The following DDX3X variants were observed in gnomAD, a reference collection of about 807,000 sequenced individuals.
The protein encoded by DDX3X is DEAD-box helicase 3 X-linked.
DDX3X carries 4 observed loss-of-function variants against 52.7 expected under a neutral mutation model. The observed-to-expected ratio is 0.08, with a 90% CI of 0.04 to 0.17. The LOEUF is 0.17. Ranked by LOEUF, DDX3X falls within the 10% of genes least tolerant of loss-of-function variation. DDX3X has a pLI of 1.00. For synonymous variants in DDX3X, 192 were observed against 178.1 expected, an observed-to-expected ratio of 1.08 and a Z score of -0.62; for missense variants, 222 against 548.6, an observed-to-expected ratio of 0.40 and a Z score of 5.95.
At chrX:41,335,758 A>G (rs756114660) in intron 1 of DDX3X, 1 of 112,370 alleles carries the variant, frequency 8.9e-6, no homozygotes, top group Non-Finnish European at 1.9e-5. Flanking sequence ...TTAATGAACC[A>G]ATTATATTAA....
Position 41,346,329 on chromosome X carries a change from T to C in DDX3X, c.1416T>C (p.His472=), listed in dbSNP as rs1424332120. The C allele has an allele frequency of 1.6e-5, 19 of 1,209,643 alleles. No individual in the cohort carries two copies. The highest frequency in any genetic ancestry group is 2.2e-5 in the Admixed American group (1 of 45,681). The change falls in exon 13 of 17, where the codon CAT becomes CAC. Residue 472 remains histidine (H), a synonymous_variant. Transcript: ENST00000644876. ...YHEGYACTSI[H]GDRSQRDREE... Reference sequence around the variant, plus strand: ...AAGGATACGCATGTACCAGCATCCATGGAGACCGTTCTCAGAGGGATAGAG... The same window carrying C: ...AAGGATACGCATGTACCAGCATCCACGGAGACCGTTCTCAGAGGGATAGAG...
chrX:41,359,188 G>A (rs1237148732), intron 5 of DDX3X, among the ~76,000 whole-genome samples: 2 of 112,630 alleles, frequency 1.8e-5, no homozygotes, highest in Non-Finnish European at 3.7e-5. Context: ...GGAAAACTAA[G>A]TGATTTCACT....
chrX:41,353,551 A>AGGTG (rs919533401), downstream of DDX3X, among the ~76,000 whole-genome samples: 27 of 105,649 alleles, frequency 2.6e-4, no homozygotes, highest in Middle Eastern at 4.7e-3. Flanking sequence ...GCACTTTGGG[A>AGGTG]GGTGGGTGGA....
rs1453386913 is a variant in DDX3X at position 41,341,529 on chromosome X, A to G, written c.197A>G (p.Lys66Arg). The change falls in exon 4 of 17, where the codon AAG becomes AGG. Residue 66 changes from lysine to arginine, a missense_variant. Around this residue, in one of 5 missense-constraint regions of DDX3X, gnomAD observed 93 missense variants for 123.7 expected, o/e 0.75. Transcript: ENST00000644876. ...DSSGWSSSKDKDAYSSFGSRS... is the reference protein window; with the variant it reads ...DSSGWSSSKDRDAYSSFGSRS... ...TCAGGGTGGAGTTCTAGCAAAGATAAGGATGCGTATAGCAGTTTTGGATCT... is the reference window on the plus strand; with the variant it reads ...TCAGGGTGGAGTTCTAGCAAAGATAGGGATGCGTATAGCAGTTTTGGATCT... The G allele has an allele frequency of 1.7e-6, 2 of 1,207,043 alleles. No homozygotes were observed. The highest frequency in any genetic ancestry group is 3.5e-5 in the South Asian group (2 of 56,884).
At chrX:41,357,779 G>A (rs1196572675) in intron 5 of DDX3X, 1 of 291,994 alleles carries the variant, frequency 3.4e-6, no homozygotes, top group African/African-American at 2.8e-5. Flanking sequence ...CCAACCAACA[G>A]TAAAGATTAC....
Position 41,347,295 on chromosome X carries a change from T to C in DDX3X, c.1770-17T>C, listed in dbSNP as rs759441876. 3.3e-6 allele frequency: 4 copies of C among 1,196,472 alleles called. No individual in the cohort carries two copies. Among genetic ancestry groups the C allele is most frequent in the South Asian group, 1.8e-5 (1 of 55,753 alleles). On this transcript the variant is annotated splice_polypyrimidine_tract_variant and intron_variant, in intron 15 of 16. Transcript: ENST00000644876. ...AATTTCATCTTCATGTGAACCAACA[T>C]AATTTTTTTCTTATAGTAGCAGATT...
intron 10 of DDX3X, 148 bp from the exon 11 acceptor site, chrX:41,345,032 T>C (rs1275910173): frequency 1.9e-6 from 1 of 534,459 alleles, no homozygotes; most frequent in African/African-American, 2.4e-5. Flanking sequence ...TCTGTAAAAT[T>C]ATGCAGTGTG....
rs1315362202 is a variant in DDX3X at position 41,343,942 on chromosome X, A to G, written c.766-88A>G. On this transcript the variant is annotated intron_variant, in intron 8 of 16. Transcript: ENST00000644876. ...AACCAGTTTTCAAGTGTAATCTGTA[A>G]TCTATAAATTACAAAAGGGAATTAT... The G allele has an allele frequency of 1.0e-5, 10 of 1,000,558 alleles. No individual in the cohort carries two copies. The Admixed American group carries it at 2.6e-4, about 26-fold the overall frequency. 82.5% of individuals were successfully genotyped at this position (1,000,558 alleles called of 1,213,427 possible).
intron 14 of DDX3X, 116 bp from the exon 15 acceptor site, chrX:41,346,743 C>G: frequency 3.1e-6 from 3 of 963,231 alleles, no homozygotes; most frequent in Admixed American, 3.0e-5. Context: ...GCTCAAAGCA[C>G]TTGTTTAAAT....
intron 10 of DDX3X, among the ~76,000 whole-genome samples, chrX:41,344,728 G>A (rs940720618): frequency 8.0e-5 from 9 of 112,237 alleles, no homozygotes; most frequent in African/African-American, 2.3e-4. Context: ...GTGAGCCATC[G>A]CACCCGGCCA....
chrX:41,343,904 TAAG>T (rs752063399), intron 8 of DDX3X, 82 bp downstream of exon 8: 37 of 1,006,379 alleles, frequency 3.7e-5, no homozygotes, highest in Non-Finnish European at 4.9e-5. Flanking sequence ...TGCTAAGACT[TAAG>T]TAGAATGAAA....
chrX:41,355,170 C>T (rs1381001610), downstream of DDX3X, among the ~76,000 whole-genome samples: 2 of 111,349 alleles, frequency 1.8e-5, no homozygotes, highest in Non-Finnish European at 3.8e-5. Flanking sequence ...GTAGTTTATC[C>T]GTTCAGCCGT....
chrX:41,345,703 C>T, intron 12 of DDX3X, 155 bp downstream of exon 12: 1 of 473,769 alleles, frequency 2.1e-6, no homozygotes. Context: ...TTCACCCCTC[C>T]TTAGGCAACC....
downstream of DDX3X, among the ~76,000 whole-genome samples, chrX:41,351,920 G>A (rs1264490733): frequency 9.0e-6 from 1 of 111,049 alleles, no homozygotes; most frequent in Non-Finnish European, 1.9e-5. Flanking sequence ...TGTTTATTAT[G>A]GGAGAAAACA....
chrX:41,334,714 G>C (rs377663696), intron 1 of DDX3X: 1 of 997,303 alleles, frequency 1.0e-6, no homozygotes, highest in African/African-American at 1.9e-5. Flanking sequence ...GCGCAGCCTG[G>C]ATTCCCGTCC....
chrX:41,341,173 C>T lies in DDX3X; in HGVS notation c.152-311C>T, dbSNP rs149501085. On this transcript the variant is annotated intron_variant, in intron 3 of 16. Coordinates refer to ENST00000644876, the MANE Select transcript of DDX3X (RefSeq NM_001356.5). ...GCTAATATTGTATATGTAGTAGAGACGGGGTTTCTCCATGTTGGTCAGGCT... is the reference window on the plus strand; with the variant it reads ...GCTAATATTGTATATGTAGTAGAGATGGGGTTTCTCCATGTTGGTCAGGCT... The T allele has an allele frequency of 0.076, 14,044 of 184,970 alleles. 520 individuals carry two copies. The highest frequency in any genetic ancestry group is 0.14 in the East Asian group (1,167 of 8,604). 15.2% of individuals were successfully genotyped at this position (184,970 alleles called of 1,213,427 possible). A position where few individuals can be genotyped will look rare whatever the true frequency, so the allele number is the denominator to read the frequency against.
At chrX:41,345,610 AGT>A in intron 12 of DDX3X, 62 bp downstream of exon 12, 2 of 965,743 alleles carry the variant, frequency 2.1e-6, no homozygotes, top group Non-Finnish European at 2.9e-6. Context: ...CCCAGGCTGG[AGT>A]GCAGGGGTTA....
Position 41,339,186 on chromosome X carries a change from T to G in DDX3X, c.151+103T>G, listed in dbSNP as rs144446471. 1,698 of 366,620 alleles carry G rather than the reference T, an allele frequency of 4.6e-3. 6 individuals are homozygous for G. The highest frequency in any genetic ancestry group is 5.6e-3 in the Non-Finnish European group (1,191 of 214,044). The allele number at this position is 366,620 out of a possible 1,213,427, so 30.2% of individuals were successfully genotyped here. On this transcript the variant is annotated intron_variant, in intron 3 of 16. Transcript: ENST00000644876. Reference sequence around the variant, plus strand: ...ATTTGGGGGAGGTCTAAACATGGTGTTGTTTTTCTATGCTTCTGTCAGCCT... The same window carrying G: ...ATTTGGGGGAGGTCTAAACATGGTGGTGTTTTTCTATGCTTCTGTCAGCCT...
At chrX:41,354,495 T>C (rs1403490909), downstream of DDX3X, among the ~76,000 whole-genome samples, 1 of 108,987 alleles carries the variant, frequency 9.2e-6, no homozygotes, top group Non-Finnish European at 1.9e-5. Context: ...AGCTAATTTT[T>C]AAATTATTTG....
Sources: allele counts gnomAD v4.1 joint callset (sites outside exome capture counted in the v4.1 genomes callset), GRCh38; gene constraint gnomAD v4.1.1; regional missense constraint gnomAD v4.1.1; transcripts MANE v1.5; gene names NCBI Gene and HGNC (gene_info 2026-07-23, HGNC 2026-07-21).